MAP2K4: variants seen among roughly 807,000 people sequenced by gnomAD.
MAP2K4 encodes the protein dual specificity mitogen-activated protein kinase kinase 4.
MAP2K4 carries 4 observed loss-of-function variants against 48.5 expected under a neutral mutation model. The ratio of observed to expected loss-of-function variants is 0.08; its 90% CI spans 0.04 to 0.19. The LOEUF (loss-of-function observed/expected upper bound fraction) is 0.19. Ranked by LOEUF, MAP2K4 falls within the 10% of genes least tolerant of loss-of-function variation. The pLI is 1.00. For synonymous variants in MAP2K4, 166 were observed against 173.1 expected, an observed-to-expected ratio of 0.96 and a Z score of 0.32; for missense variants, 258 against 493.3, an observed-to-expected ratio of 0.52 and a Z score of 4.52.
At chr17:12,085,486 C>T (rs575059665) in intron 3 of MAP2K4, among the ~76,000 whole-genome samples, 2 of 151,970 alleles carry the variant, frequency 1.3e-5, no homozygotes, top group South Asian at 2.1e-4. Context: ...ACTGAGTTAG[C>T]AATGTGACCT....
At chr17:12,074,049 G>T (rs893986308) in intron 2 of MAP2K4, among the ~76,000 whole-genome samples, 6 of 152,256 alleles carry the variant, frequency 3.9e-5, no homozygotes, top group Non-Finnish European at 8.8e-5. Flanking sequence ...GGGGACTACA[G>T]GTGTGAGCCA....
chr17:12,115,439 ATACTG>A, intron 7 of MAP2K4: 1 of 493,502 alleles, frequency 2.0e-6, no homozygotes, highest in Non-Finnish European at 3.8e-6. Flanking sequence ...ACTGTACTAA[ATACTG>A]TAGGTAATTA....
intron 4 of MAP2K4, among the ~76,000 whole-genome samples, chr17:12,100,576 A>G (rs1291991804): frequency 6.6e-6 from 1 of 152,138 alleles, no homozygotes; most frequent in African/African-American, 2.4e-5. Context: ...GGGTAATTAC[A>G]TGGGGGTGGA....
chr17:12,108,893 G>A (rs1453048056), intron 5 of MAP2K4, among the ~76,000 whole-genome samples: 4 of 151,796 alleles, frequency 2.6e-5, no homozygotes, highest in Non-Finnish European at 4.4e-5. Context: ...ATTATTTAGC[G>A]GGGTATATGA....
intron 2 of MAP2K4, among the ~76,000 whole-genome samples, chr17:12,057,422 A>G (rs1970314338): frequency 6.6e-6 from 1 of 151,838 alleles, no homozygotes; most frequent in Non-Finnish European, 1.5e-5. Flanking sequence ...CAGGGATGTT[A>G]TTTATAGATT....
At chr17:12,021,300 T>G in intron 1 of MAP2K4, 2 of 199,754 alleles carry the variant, frequency 1.0e-5, no homozygotes, top group Non-Finnish European at 1.0e-5. Context: ...CCCGCGGCCG[T>G]CCCCATCGCC....
intron 4 of MAP2K4, among the ~76,000 whole-genome samples, chr17:12,106,731 G>T (rs1406494876): frequency 6.6e-6 from 1 of 151,954 alleles, no homozygotes; most frequent in African/African-American, 2.4e-5. Context: ...TTTCATTTTT[G>T]TAAGGTACTT....
At chr17:12,040,938 T>G (rs751137894) in intron 1 of MAP2K4, among the ~76,000 whole-genome samples, 2 of 152,244 alleles carry the variant, frequency 1.3e-5, no homozygotes, top group Non-Finnish European at 2.9e-5. Context: ...AAAGTCTCTC[T>G]CTCATAATGT....
rs949908509 is a variant in MAP2K4 at position 12,085,207 on chromosome 17, G to GA, written c.393+3678dup. ...CGTGAAAAAGTAAGAATGAAAATGA[G>GA]AGGGAGTATAAGGACTGAAGTACCT... is the stretch of plus-strand genomic sequence containing the variant. On this transcript the variant is annotated intron_variant, in intron 3 of 10. Coordinates refer to ENST00000353533, the MANE Select transcript of MAP2K4 (RefSeq NM_003010.4). 2.0e-5 allele frequency among the ~76,000 whole-genome samples: 3 copies of GA among 152,296 alleles called. No homozygotes were observed. The East Asian group carries it at 5.8e-4, about 30-fold the overall frequency.
At chr17:12,098,877 C>G (rs936282581) in intron 4 of MAP2K4, among the ~76,000 whole-genome samples, 1 of 152,074 alleles carries the variant, frequency 6.6e-6, no homozygotes, top group Non-Finnish European at 1.5e-5. Context: ...CTCATTCTTG[C>G]AGCAACTATT....
chr17:12,063,967 T>C (rs1333647270), intron 2 of MAP2K4, among the ~76,000 whole-genome samples: 1 of 57,338 alleles, frequency 1.7e-5, no homozygotes, highest in African/African-American at 5.8e-5. Context: ...AGCAAAATTC[T>C]GTCAGGGGGC....
chr17:12,058,839 TTTTTTA>T (rs1350064019), intron 2 of MAP2K4, among the ~76,000 whole-genome samples: 1 of 152,172 alleles, frequency 6.6e-6, no homozygotes, highest in Non-Finnish European at 1.5e-5. Flanking sequence ...CCTCATTAGT[TTTTTTA>T]TTTTTAATAG....
intron 5 of MAP2K4, 53 bp downstream of exon 5, chr17:12,107,962 C>G: frequency 7.0e-7 from 1 of 1,418,498 alleles, no homozygotes; most frequent in Non-Finnish European, 9.3e-7. Flanking sequence ...TATAGAGATG[C>G]TGCTGGAGTT....
intron 8 of MAP2K4, among the ~76,000 whole-genome samples, chr17:12,127,856 A>G (rs1460240768): frequency 2.6e-5 from 4 of 152,210 alleles, no homozygotes; most frequent in Non-Finnish European, 5.9e-5. Context: ...ACATGTGTGT[A>G]ATTAGAAACA....
rs188924181 is a variant in MAP2K4 at position 12,028,132 on chromosome 17, A to G, written c.115+7131A>G. 3.5e-3 allele frequency among the ~76,000 whole-genome samples: 535 copies of G among 152,332 alleles called. 4 individuals carry two copies. Among genetic ancestry groups the G allele is most frequent in the African/African-American group, 0.012 (514 of 41,564 alleles). ...AAGTTAGATACTTGCCCGAAGGAAC[A>G]TAATTGTAAGTTACTGTCTCAGTGT... is the stretch of plus-strand genomic sequence containing the variant. On this transcript the variant is annotated intron_variant, in intron 1 of 10. Coordinates refer to ENST00000353533, the MANE Select transcript of MAP2K4 (RefSeq NM_003010.4).
intron 1 of MAP2K4, among the ~76,000 whole-genome samples, chr17:12,030,832 T>G (rs1969414745): frequency 6.6e-6 from 1 of 152,192 alleles, no homozygotes; most frequent in Non-Finnish European, 1.5e-5. Context: ...TTAAAGTTGT[T>G]TGTTTCCCAG....
At chr17:12,067,014 G>T (rs1024638288) in intron 2 of MAP2K4, among the ~76,000 whole-genome samples, 3 of 151,900 alleles carry the variant, frequency 2.0e-5, no homozygotes, top group Admixed American at 2.0e-4. Context: ...TAGAGATGGG[G>T]TTTCACCATG....
At chr17:12,091,730 A>G (rs991081792) in intron 3 of MAP2K4, among the ~76,000 whole-genome samples, 3 of 151,998 alleles carry the variant, frequency 2.0e-5, no homozygotes, top group East Asian at 1.9e-4. Context: ...TACCTGCTTT[A>G]TTGGGCTTAT....
intron 4 of MAP2K4, among the ~76,000 whole-genome samples, chr17:12,102,388 A>G (rs902320371): frequency 6.6e-6 from 1 of 152,100 alleles, no homozygotes; most frequent in African/African-American, 2.4e-5. Flanking sequence ...TATCTTTTTT[A>G]TCTATCATTG....
Sources: gnomAD v4.1 joint callset for allele counts (sites outside exome capture counted in the v4.1 genomes callset) on GRCh38, gnomAD v4.1.1 for gene constraint, MANE v1.5 for transcripts, NCBI Gene and HGNC (gene_info 2026-07-23, HGNC 2026-07-21) for gene names.